Variants in SEC24A observed in about 807,000 individuals in gnomAD.
The protein encoded by SEC24A is protein transport protein Sec24A.
Under a neutral mutation model 129.4 loss-of-function variants are expected in SEC24A, and 93 were observed. The ratio of observed to expected loss-of-function variants is 0.72; its 90% CI spans 0.61 to 0.85. SEC24A has a LOEUF of 0.85. SEC24A is among the 40% of genes least tolerant of loss of function. The pLI, the probability that SEC24A is intolerant of heterozygous loss-of-function variation, is 0.00. For synonymous variants in SEC24A, 460 were observed against 467.3 expected, an observed-to-expected ratio of 0.98 and a Z score of 0.20; for missense variants, 1,264 against 1,307.4, an observed-to-expected ratio of 0.97 and a Z score of 0.51.
intron 2 of SEC24A, among the ~76,000 whole-genome samples, chr5:134,665,186 C>T (rs375158305): frequency 4.6e-5 from 7 of 151,680 alleles, no homozygotes; most frequent in Non-Finnish European, 8.8e-5. Flanking sequence ...TGGTGGCTCA[C>T]GACTGTAATT....
chr5:134,661,532 C>A lies in SEC24A; in HGVS notation c.511C>A (p.His171Asn). ...TGGAAATACAAGTTTAACCACAAAT[C>A]ATCAATATGTTTCTTCTGGATATCC... ...VSGNTSLTTN[H>N]QYVSSGYPSL... Residue 171 changes from histidine (H) to asparagine (N), a missense_variant, in exon 2 of 23, where the codon CAT (histidine) becomes AAT (asparagine). Physicochemically the swap from His to Asn is moderately conservative, Grantham distance 68. Coordinates refer to ENST00000398844, the MANE Select transcript of SEC24A (RefSeq NM_021982.3). The A allele has an allele frequency of 6.2e-7, 1 of 1,614,106 alleles. No individual in the cohort carries two copies. The highest frequency in any genetic ancestry group is 1.7e-5 in the Admixed American group (1 of 60,006).
intron 18 of SEC24A, among the ~76,000 whole-genome samples, chr5:134,712,588 A>G (rs985267494): frequency 1.4e-4 from 21 of 150,632 alleles, no homozygotes; most frequent in Admixed American, 9.9e-4. Flanking sequence ...ATTTATTTCT[A>G]TTTCTGAATA....
At chr5:134,692,962 C>T (rs879136263) in intron 12 of SEC24A, 1 of 1,292,456 alleles carries the variant, frequency 7.7e-7, no homozygotes, top group African/African-American at 1.5e-5. Flanking sequence ...TGAGATAAAG[C>T]TTCTGGTCAC....
chr5:134,666,508 G>A (rs1052603213), intron 2 of SEC24A, among the ~76,000 whole-genome samples: 2 of 151,944 alleles, frequency 1.3e-5, no homozygotes, highest in Non-Finnish European at 2.9e-5. Flanking sequence ...AGTGAACTGA[G>A]ATAGCGCTAT....
At chr5:134,684,460 C>G (rs887574205) in intron 9 of SEC24A, among the ~76,000 whole-genome samples, 2 of 151,976 alleles carry the variant, frequency 1.3e-5, no homozygotes, top group Non-Finnish European at 2.9e-5. Context: ...CACCCGTAAT[C>G]CCAGCAATTT....
At chr5:134,671,553 C>T (rs1257398266) in intron 3 of SEC24A, among the ~76,000 whole-genome samples, 1 of 152,024 alleles carries the variant, frequency 6.6e-6, no homozygotes, top group Non-Finnish European at 1.5e-5. Flanking sequence ...GTTATTTGGG[C>T]CTTTGGCTTA....
chr5:134,715,215 T>C (rs1297603093), intron 19 of SEC24A, 54 bp downstream of exon 19: 4 of 1,431,028 alleles, frequency 2.8e-6, no homozygotes, highest in Non-Finnish European at 3.9e-6. Context: ...AGCCTAATCA[T>C]AGTCCAGTAC....
chr5:134,661,066 A>C, intron 1 of SEC24A, 53 bp from the exon 2 acceptor site: 3 of 1,206,672 alleles, frequency 2.5e-6, no homozygotes, highest in South Asian at 1.5e-5. Flanking sequence ...TTTATTTCTT[A>C]AAGTATTGCT....
At chr5:134,667,166 C>T (rs886672516) in intron 3 of SEC24A, among the ~76,000 whole-genome samples, 170 bp downstream of exon 3, 1 of 152,110 alleles carries the variant, frequency 6.6e-6, no homozygotes, top group Admixed American at 6.6e-5. Context: ...AATTCCATTG[C>T]CATCCGCTGG....
intron 12 of SEC24A, chr5:134,693,481 T>C: frequency 7.1e-7 from 1 of 1,399,086 alleles, no homozygotes; most frequent in Non-Finnish European, 9.3e-7. Flanking sequence ...ATTTTGGACT[T>C]ATAGTCTTGC....
chr5:134,708,505 C>T (rs189771666), intron 17 of SEC24A, among the ~76,000 whole-genome samples: 66 of 152,208 alleles, frequency 4.3e-4, no homozygotes, highest in African/African-American at 1.5e-3. Flanking sequence ...CATTATACAG[C>T]TAGGAAATAG....
At chr5:134,669,228 G>A (rs1750769247) in intron 3 of SEC24A, among the ~76,000 whole-genome samples, 2 of 149,406 alleles carry the variant, frequency 1.3e-5, no homozygotes, top group East Asian at 2.0e-4. Flanking sequence ...GTGCAATGGT[G>A]CGATCTCGGC....
At chr5:134,656,854 T>G (rs563759140) in intron 1 of SEC24A, among the ~76,000 whole-genome samples, 2 of 149,426 alleles carry the variant, frequency 1.3e-5, no homozygotes, top group South Asian at 2.1e-4. Context: ...CAATGATAGC[T>G]CACTGCAGCC....
intron 1 of SEC24A, among the ~76,000 whole-genome samples, chr5:134,652,551 G>T (rs1750094790): frequency 6.6e-6 from 1 of 152,004 alleles, no homozygotes; most frequent in Non-Finnish European, 1.5e-5. Context: ...CTACTAAAGT[G>T]CCGGGATTAC....
intron 9 of SEC24A, among the ~76,000 whole-genome samples, chr5:134,684,318 A>T (rs531292253): frequency 6.6e-6 from 1 of 151,690 alleles, no homozygotes; most frequent in Non-Finnish European, 1.5e-5. Context: ...AAAAAAAAAA[A>T]AATTAATATA....
Position 134,688,162 on chromosome 5 carries a change from C to T in SEC24A, c.1605-19C>T, listed in dbSNP as rs939646128. On this transcript the variant is annotated intron_variant, in intron 10 of 22. Coordinates refer to ENST00000398844, the MANE Select transcript of SEC24A (RefSeq NM_021982.3). ...TGTGGTTAAAACTTGATAAAATACT[C>T]TTCTGAATTTGTTTTTAGGCTTCCT... 7.4e-7 allele frequency: 1 copy of T among 1,353,700 alleles called. No individual in the cohort carries two copies. Among genetic ancestry groups the T allele is most frequent in the Non-Finnish European group, 1.1e-6 (1 of 942,912 alleles). 83.9% of individuals were successfully genotyped at this position (1,353,700 alleles called of 1,614,324 possible). A position where few individuals can be genotyped will look rare whatever the true frequency, so the allele number is the denominator to read the frequency against.
chr5:134,662,443 T>C (rs1750506639), intron 2 of SEC24A, among the ~76,000 whole-genome samples: 3 of 152,234 alleles, frequency 2.0e-5, no homozygotes, highest in South Asian at 2.1e-4. Context: ...TGTGAGCCAA[T>C]ATTTCTTTGA....
At chr5:134,679,832 T>G in intron 8 of SEC24A, 104 bp downstream of exon 8, 2 of 895,566 alleles carry the variant, frequency 2.2e-6, no homozygotes, top group South Asian at 7.3e-5. Context: ...TTTATTTACC[T>G]CTAGTCAATC....
chr5:134,671,967 G>T, intron 4 of SEC24A, 81 bp downstream of exon 4: 2 of 845,972 alleles, frequency 2.4e-6, no homozygotes, highest in Non-Finnish European at 3.9e-6. Flanking sequence ...CAAATATATA[G>T]GAAACTAAGA....
Sources: allele counts gnomAD v4.1 joint callset (sites outside exome capture counted in the v4.1 genomes callset), GRCh38; gene constraint gnomAD v4.1.1; transcripts MANE v1.5; gene names NCBI Gene and HGNC (gene_info 2026-07-23, HGNC 2026-07-21).